SLC6A13: variants seen among roughly 807,000 people sequenced by gnomAD.
SLC6A13 encodes the protein solute carrier family 6 member 13, also known as sodium- and chloride-dependent GABA transporter 2.
A neutral mutation model predicts 72.9 loss-of-function variants in SLC6A13; 69 were observed. The observed-to-expected ratio is 0.95, with a 90% CI of 0.78 to 1.16. The LOEUF is 1.16. SLC6A13 is among the 50% of genes most tolerant of loss of function. The pLI is 0.00. For missense variants in SLC6A13, 735 were observed against 760.5 expected (o/e 0.97, Z 0.39); for synonymous variants, 303 against 303.0 (o/e 1.00, Z 0.00).
At chr12:249,061 T>C (rs117900311) in intron 2 of SLC6A13, among the ~76,000 whole-genome samples, 21 of 152,284 alleles carry the variant, frequency 1.4e-4, no homozygotes, top group Non-Finnish European at 2.5e-4. Flanking sequence ...AAAAGAGAAA[T>C]TAGAAAGTAT....
rs1942267139 is a variant in SLC6A13 at position 244,125 on chromosome 12, T to A, written c.203-312A>T. On this transcript the variant is annotated intron_variant, in intron 2 of 14. Transcript: ENST00000343164. Reference sequence around the variant, plus strand: ...CAATAACAAGGAGCTTATTAAATAATGGATGTCTAGGAGCATTGGCACAGC... The same window carrying A: ...CAATAACAAGGAGCTTATTAAATAAAGGATGTCTAGGAGCATTGGCACAGC... Among the ~76,000 whole-genome samples the A allele has an allele frequency of 2.0e-5, 3 of 152,244 alleles. No homozygotes were observed. In the South Asian group the frequency reaches 6.2e-4, roughly 31 times the overall value.
In SLC6A13 at chr12:222,463, G is replaced by A. The variant is rs1234334648; in HGVS notation, c.1515+69C>T. The A allele has an allele frequency of 1.6e-5, 15 of 920,556 alleles. No homozygotes were observed. In the East Asian group the frequency reaches 3.5e-4, roughly 21 times the overall value. 57.0% of individuals were successfully genotyped at this position (920,556 alleles called of 1,614,324 possible). A position where few individuals can be genotyped will look rare whatever the true frequency, so the allele number is the denominator to read the frequency against. ...GGAGAAGTCCATTGCAGGGCTAACG[G>A]CTTCTCTACCCCTGCTAGCCACCGT... On this transcript the variant is annotated intron_variant, in intron 13 of 14. Transcript: ENST00000343164.
intron 2 of SLC6A13, among the ~76,000 whole-genome samples, chr12:255,137 G>GGT (rs954331134): frequency 6.6e-6 from 1 of 152,316 alleles, no homozygotes; most frequent in African/African-American, 2.4e-5. Context: ...GATGAGAAGT[G>GGT]GTCGGGTCCT....
At chr12:245,754 G>T (rs1356762653) in intron 2 of SLC6A13, among the ~76,000 whole-genome samples, 2 of 152,154 alleles carry the variant, frequency 1.3e-5, no homozygotes, top group Non-Finnish European at 2.9e-5. Context: ...GGAGGCCAAG[G>T]CAGGCAGATC....
rs1174007143 is a variant in SLC6A13 at position 254,322 on chromosome 12, C to G, written c.202+5529G>C. 6.6e-6 allele frequency among the ~76,000 whole-genome samples: 1 copy of G among 152,210 alleles called. No individual in the cohort carries two copies. Among genetic ancestry groups the G allele is most frequent in the Non-Finnish European group, 1.5e-5 (1 of 68,040 alleles). ...AAGGAAGGGGTGGATTTTACCTACT[C>G]CCACATTTTGCCCCAATAACCCACA... On this transcript the variant is annotated intron_variant, in intron 2 of 14. Coordinates refer to ENST00000343164, the MANE Select transcript of SLC6A13 (RefSeq NM_016615.5). The surrounding 1 kb of genome is among the most constrained non-coding windows in gnomAD (Gnocchi z 4.4).
chr12:224,894 G>A (rs554936797), intron 9 of SLC6A13, among the ~76,000 whole-genome samples: 7 of 152,338 alleles, frequency 4.6e-5, no homozygotes, highest in South Asian at 2.1e-4. Flanking sequence ...AATGCAAGGA[G>A]GTGGCTGGGC....
At chr12:235,930 C>T in intron 6 of SLC6A13, among the ~76,000 whole-genome samples, 1 of 152,136 alleles carries the variant, frequency 6.6e-6, no homozygotes, top group Admixed American at 6.5e-5. Flanking sequence ...GCCCTGGTCT[C>T]CTGCAGTACC....
chr12:240,567 G>C (rs559340749), intron 4 of SLC6A13, among the ~76,000 whole-genome samples: 1 of 152,218 alleles, frequency 6.6e-6, no homozygotes, highest in South Asian at 2.1e-4. Flanking sequence ...GAGTGCTTAC[G>C]ATAGAGCCAG....
chr12:259,779 G>A (rs1170475822), intron 2 of SLC6A13, 72 bp downstream of exon 2: 1 of 1,614,168 alleles, frequency 6.2e-7, no homozygotes, highest in South Asian at 1.1e-5. Context: ...CCCCAGAGGG[G>A]CCGTAAGTGC....
rs536392549 is a variant in SLC6A13, at chr12:245,404, G to A, written c.203-1591C>T. Among the ~76,000 whole-genome samples, 55 of 152,284 alleles carry A rather than the reference G, an allele frequency of 3.6e-4. No homozygotes were observed. The South Asian group carries it at 3.9e-3, about 11-fold the overall frequency. On this transcript the variant is annotated intron_variant, in intron 2 of 14. Coordinates refer to ENST00000343164, the MANE Select transcript of SLC6A13 (RefSeq NM_016615.5). ...TATTTACAGAAATACGAAATTGGCC[G>A]GGTGCAGTGGCTCACGTCTGTAATC...
Position 261,658 on chromosome 12 carries a change from GGC to G in SLC6A13, c.-6+1129_-6+1130del, listed in dbSNP as rs1317163272. Among the ~76,000 whole-genome samples, 4 of 152,358 alleles carry G rather than the reference GGC, an allele frequency of 2.6e-5. No homozygotes were observed. The East Asian group carries it at 7.7e-4, about 29-fold the overall frequency. On this transcript the variant is annotated intron_variant, in intron 1 of 14. Coordinates refer to ENST00000343164, the MANE Select transcript of SLC6A13 (RefSeq NM_016615.5). ...AGTCAGTGAACAGGCCGGGTGCAATGGCTCACGCCTGTAATCCCAGCACTTGG... is the reference window on the plus strand; with the variant it reads ...AGTCAGTGAACAGGCCGGGTGCAATGTCACGCCTGTAATCCCAGCACTTGG...
chr12:260,074 A>G lies in SLC6A13; in HGVS notation c.-5-17T>C. 1 of 1,608,294 alleles carries G rather than the reference A, an allele frequency of 6.2e-7. No homozygotes were observed. On this transcript the variant is annotated splice_polypyrimidine_tract_variant and intron_variant, in intron 1 of 14. Coordinates refer to ENST00000343164, the MANE Select transcript of SLC6A13 (RefSeq NM_016615.5). ...CCATCCCACCTGGAAAACAAGTGGG[A>G]TGCTCTGTTACTGTTGGGAACCCCA... is the stretch of plus-strand genomic sequence containing the variant.
chr12:262,614 T>C, intron 1 of SLC6A13, 175 bp downstream of exon 1: 1 of 870,454 alleles, frequency 1.1e-6, no homozygotes, highest in Non-Finnish European at 1.4e-6. Flanking sequence ...CCACCCAAGT[T>C]TCAGAAAGTC....
rs1447622848 is a variant in SLC6A13 at position 237,983 on chromosome 12, T to C, written c.506A>G (p.Asn169Ser). 1 of 1,613,930 alleles carries C rather than the reference T, an allele frequency of 6.2e-7. No individual in the cohort carries two copies. The highest frequency in any genetic ancestry group is 1.7e-5 in the Admixed American group (1 of 60,008). The change falls in exon 5 of 15, where the codon AAC (asparagine) becomes AGC (serine). Residue 169 changes from asparagine (N) to serine (S), a missense_variant. By Grantham distance (46) the Asn-to-Ser change is conservative (BLOSUM62 1). Coordinates refer to ENST00000343164, the MANE Select transcript of SLC6A13 (RefSeq NM_016615.5). ...TEHCMEFQKT[N>S]GSLNGTSENA... ...CTCAGAGGTACCATTCAGGGAGCCG[T>C]TGGTCTTCTGGAACTCCATACAGTG... is the stretch of plus-strand genomic sequence containing the variant.
At chr12:221,595 G>A (rs1941215595) in intron 13 of SLC6A13, 49 bp from the exon 14 acceptor site, 1 of 1,272,456 alleles carries the variant, frequency 7.9e-7, no homozygotes, top group Non-Finnish European at 1.1e-6. Context: ...GGGGCCTTGT[G>A]CCCTCAGCTC....
At chr12:230,269 G>A (rs370268266) in intron 7 of SLC6A13, among the ~76,000 whole-genome samples, 10 of 152,342 alleles carry the variant, frequency 6.6e-5, no homozygotes, top group African/African-American at 2.2e-4. Context: ...GAGGTCTTGG[G>A]GGGAAGGAGG....
At chr12:221,219 G>T in intron 14 of SLC6A13, 149 bp from the exon 15 acceptor site, 1 of 1,329,056 alleles carries the variant, frequency 7.5e-7, no homozygotes, top group Non-Finnish European at 1.0e-6. Context: ...GTGTCTTCCC[G>T]AGACTTCTCA....
At chr12:232,266 G>C (rs553569455) in intron 7 of SLC6A13, among the ~76,000 whole-genome samples, 108 of 152,176 alleles carry the variant, frequency 7.1e-4, no homozygotes, top group Non-Finnish European at 1.0e-3. Context: ...CTTCCTCTCC[G>C]GCCTACCCGC....
chr12:234,479 CATTTTATTTT>C (rs199912896), intron 7 of SLC6A13, among the ~76,000 whole-genome samples: 1 of 146,910 alleles, frequency 6.8e-6, no homozygotes, highest in Non-Finnish European at 1.5e-5. Flanking sequence ...TCCTTTATTT[CATTTTATTTT>C]ATTTTATTTC....
Sources: allele counts gnomAD v4.1 joint callset (sites outside exome capture counted in the v4.1 genomes callset), GRCh38; gene constraint gnomAD v4.1.1; non-coding constraint Gnocchi (gnomAD v3.1); transcripts MANE v1.5; gene names NCBI Gene and HGNC (gene_info 2026-07-23, HGNC 2026-07-21).